RORA: variants seen among roughly 807,000 people sequenced by gnomAD.
The protein encoded by RORA is nuclear receptor ROR-alpha.
RORA carries 7 observed loss-of-function variants against 69.5 expected under a neutral mutation model. That is an observed-to-expected ratio of 0.10 (90% CI 0.06 to 0.19). The LOEUF (loss-of-function observed/expected upper bound fraction) is 0.19. Ranked by LOEUF, RORA falls within the 10% of genes least tolerant of loss-of-function variation. The pLI, the probability that RORA is intolerant of heterozygous loss-of-function variation, is 1.00. For synonymous variants in RORA, 261 were observed against 240.8 expected, an observed-to-expected ratio of 1.08 and a Z score of -0.78; for missense variants, 457 against 663.0, an observed-to-expected ratio of 0.69 and a Z score of 3.41.
intron 1 of RORA, among the ~76,000 whole-genome samples, chr15:61,102,536 T>A (rs1226279930): frequency 2.0e-5 from 3 of 152,172 alleles, no homozygotes; most frequent in African/African-American, 7.2e-5. Context: ...TCTTAAAACA[T>A]CCTTTGATAT....
intron 1 of RORA, among the ~76,000 whole-genome samples, chr15:61,064,443 C>A (rs1003927927): frequency 6.6e-6 from 1 of 152,180 alleles, no homozygotes; most frequent in African/African-American, 2.4e-5. Context: ...TCCCATTATA[C>A]CTGGACCATA....
At position 60,988,377 on chromosome 15, in the gene RORA, C is replaced by G. The variant is rs112406951; in HGVS notation, c.166+240676G>C. ...AGCCAGGAAGTCACATTTGATGCTC[C>G]TGGAAATAGACTGCTCACCTCGTAG... On this transcript the variant is annotated intron_variant, in intron 1 of 10. Coordinates refer to ENST00000335670, the MANE Select transcript of RORA (RefSeq NM_134261.3). Among the ~76,000 whole-genome samples, 835 of 152,278 alleles carry G rather than the reference C, an allele frequency of 5.5e-3. 7 individuals carry two copies. The highest frequency in any genetic ancestry group is 0.019 in the African/African-American group (796 of 41,530).
chr15:61,188,212 C>T (rs1302174866), intron 1 of RORA, among the ~76,000 whole-genome samples: 13 of 152,174 alleles, frequency 8.5e-5, no homozygotes, highest in Admixed American at 8.5e-4. Context: ...GGAAACTCTG[C>T]AAAAGGTCAG....
intron 1 of RORA, among the ~76,000 whole-genome samples, chr15:60,722,690 A>C (rs2071308892): frequency 6.6e-6 from 1 of 151,648 alleles, no homozygotes; most frequent in Non-Finnish European, 1.5e-5. Flanking sequence ...CAGATCTCAC[A>C]AACAAGGCTG....
chr15:61,161,861 T>C (rs1272640788), intron 1 of RORA, among the ~76,000 whole-genome samples: 1 of 152,144 alleles, frequency 6.6e-6, no homozygotes, highest in Non-Finnish European at 1.5e-5. Flanking sequence ...AATACAATGA[T>C]ATACTGTGGC....
chr15:60,761,513 T>A (rs12439891), intron 1 of RORA, among the ~76,000 whole-genome samples: 3 of 152,170 alleles, frequency 2.0e-5, no homozygotes, highest in Non-Finnish European at 2.9e-5. Flanking sequence ...TATGTTTTTT[T>A]AAAAAATTAT....
chr15:61,214,030 G>C (rs1180074635), intron 1 of RORA: 1 of 152,220 alleles, frequency 6.6e-6, no homozygotes, highest in African/African-American at 2.4e-5. Flanking sequence ...AAAAGGCAGA[G>C]AGATATGGGA....
chr15:60,819,769 A>ACACACACG (rs757674029), intron 1 of RORA, among the ~76,000 whole-genome samples: 6,521 of 150,124 alleles, frequency 0.043, 210 homozygotes, highest in Admixed American at 0.077. Flanking sequence ...ACACACACAC[A>ACACACACG]CACACACACA....
At position 61,131,291 on chromosome 15, in the gene RORA, T is replaced by A. The variant is rs1295758277; in HGVS notation, c.166+97762A>T. 6.6e-6 allele frequency among the ~76,000 whole-genome samples: 1 copy of A among 152,270 alleles called. No homozygotes were observed. Among genetic ancestry groups the A allele is most frequent in the Non-Finnish European group, 1.5e-5 (1 of 68,042 alleles). Reference sequence around the variant, plus strand: ...CAGCAAAATGCTTTCACTCTTTGTGTATTTATCTGTTAATAAATAAATCCA... The same window carrying A: ...CAGCAAAATGCTTTCACTCTTTGTGAATTTATCTGTTAATAAATAAATCCA... On this transcript the variant is annotated intron_variant, in intron 1 of 10. Coordinates refer to ENST00000335670, the MANE Select transcript of RORA (RefSeq NM_134261.3). The surrounding 1 kb of genome is among the most constrained non-coding windows in gnomAD (Gnocchi z 4.2).
At chr15:60,515,730 C>A in intron 3 of RORA, among the ~76,000 whole-genome samples, 1 of 145,334 alleles carries the variant, frequency 6.9e-6, no homozygotes. Context: ...TCTTAATTTC[C>A]AAACACATGG....
At chr15:60,808,821 G>C (rs1200688150) in intron 1 of RORA, among the ~76,000 whole-genome samples, 2 of 151,714 alleles carry the variant, frequency 1.3e-5, no homozygotes, top group Non-Finnish European at 2.9e-5. Context: ...AGCCACAAAA[G>C]GAATGAAATA....
At chr15:60,774,388 T>G (rs2072129012) in intron 1 of RORA, among the ~76,000 whole-genome samples, 1 of 152,190 alleles carries the variant, frequency 6.6e-6, no homozygotes, top group Admixed American at 6.5e-5. Flanking sequence ...GGCTTCATCC[T>G]GAGAGGCCAT....
intron 2 of RORA, among the ~76,000 whole-genome samples, chr15:60,670,211 T>TC (rs1567149117): frequency 2.0e-5 from 2 of 99,710 alleles, no homozygotes; most frequent in African/African-American, 4.5e-5. Context: ...CTTTTTTTTT[T>TC]TTCTTTTTTT....
At chr15:60,991,764 C>T (rs192346230) in intron 1 of RORA, among the ~76,000 whole-genome samples, 5 of 151,810 alleles carry the variant, frequency 3.3e-5, no homozygotes, top group Non-Finnish European at 7.4e-5. Context: ...AAACATTATC[C>T]GGCCTTGATG....
At chr15:61,079,338 CT>C (rs1390322491) in intron 1 of RORA, among the ~76,000 whole-genome samples, 3 of 152,152 alleles carry the variant, frequency 2.0e-5, no homozygotes, top group Admixed American at 2.0e-4. Context: ...ATTTAAATCA[CT>C]TATTTCATTG....
At chr15:60,912,766 CAAACAAACA>C (rs1187004822) in intron 1 of RORA, among the ~76,000 whole-genome samples, 1 of 128,554 alleles carries the variant, frequency 7.8e-6, no homozygotes, top group Non-Finnish European at 1.8e-5. Context: ...AACAAACAAA[CAAACAAACA>C]AAACAAAACA....
At chr15:61,089,420 A>C (rs1437816594) in intron 1 of RORA, among the ~76,000 whole-genome samples, 1 of 152,244 alleles carries the variant, frequency 6.6e-6, no homozygotes, top group Non-Finnish European at 1.5e-5. Context: ...AACAATACAC[A>C]TATACACATG....
At chr15:60,662,603 C>T (rs996701721) in intron 2 of RORA, among the ~76,000 whole-genome samples, 8 of 151,704 alleles carry the variant, frequency 5.3e-5, no homozygotes, top group Admixed American at 6.6e-5. Flanking sequence ...ATGCATGCTT[C>T]CAGGACCAGA....
intron 1 of RORA, among the ~76,000 whole-genome samples, chr15:61,212,149 A>G (rs781141286): frequency 3.0e-4 from 45 of 152,046 alleles, no homozygotes; most frequent in Non-Finnish European, 3.7e-4. Flanking sequence ...GCTACTATTC[A>G]TTCCATTTCT....
Sources: gnomAD v4.1 joint callset for allele counts (sites outside exome capture counted in the v4.1 genomes callset) on GRCh38, gnomAD v4.1.1 for gene constraint, Gnocchi (gnomAD v3.1) non-coding constraint, MANE v1.5 for transcripts, NCBI Gene and HGNC (gene_info 2026-07-23, HGNC 2026-07-21) for gene names.